SPMAP2L: variants seen among roughly 807,000 people sequenced by gnomAD.
SPMAP2L encodes sperm microtubule associated protein 2-like.
At chr4:56,614,867 G>T in the SPMAP2L span, among the ~76,000 whole-genome samples, 1 of 151,968 alleles carries the variant, frequency 6.6e-6, no homozygotes, top group Admixed American at 6.6e-5. Context: ...CCACCTAGAG[G>T]TTTATCTCTT....
the SPMAP2L span, among the ~76,000 whole-genome samples, chr4:56,598,524 C>A: frequency 1.3e-4 from 20 of 152,042 alleles, no homozygotes; most frequent in African/African-American, 4.6e-4. Flanking sequence ...GGGAAGATCT[C>A]CTTGAAGAAT....
the SPMAP2L span, among the ~76,000 whole-genome samples, chr4:56,543,174 C>T: frequency 2.0e-5 from 3 of 151,698 alleles, no homozygotes; most frequent in Non-Finnish European, 2.9e-5. Context: ...AGCTCCGCCT[C>T]CCGGGTTCAC....
At chr4:56,537,751 C>T in the SPMAP2L span, among the ~76,000 whole-genome samples, 1 of 150,664 alleles carries the variant, frequency 6.6e-6, no homozygotes, top group African/African-American at 2.4e-5. Flanking sequence ...AGTGCAGTGG[C>T]GCGCGATCTC....
At chr4:56,552,493 A>AT in the SPMAP2L span, 4 of 929,678 alleles carry the variant, frequency 4.3e-6, no homozygotes, top group East Asian at 7.8e-5. Flanking sequence ...GGAGTCATCT[A>AT]ATGTAACCAC....
chr4:56,567,590 A>G, the SPMAP2L span, among the ~76,000 whole-genome samples: 2 of 151,440 alleles, frequency 1.3e-5, no homozygotes, highest in African/African-American at 2.4e-5. Flanking sequence ...TGCCCAGCTT[A>G]TACTTCTTTT....
At chr4:56,588,432 AT>A in the SPMAP2L span, among the ~76,000 whole-genome samples, 340 of 142,370 alleles carry the variant, frequency 2.4e-3, 1 homozygote, top group Middle Eastern at 3.8e-3. Context: ...ATCTTCCAGA[AT>A]TTTTTTTTTT....
the SPMAP2L span, among the ~76,000 whole-genome samples, chr4:56,550,444 G>A: frequency 6.6e-6 from 1 of 152,056 alleles, no homozygotes; most frequent in East Asian, 1.9e-4. Context: ...AGATTTTACC[G>A]AGAGAAAATG....
the SPMAP2L span, among the ~76,000 whole-genome samples, chr4:56,566,185 C>CTTAT: frequency 1.3e-5 from 2 of 151,932 alleles, no homozygotes; most frequent in East Asian, 1.9e-4. Context: ...TTGTTGCCTT[C>CTTAT]TTATTTATTT....
the SPMAP2L span, among the ~76,000 whole-genome samples, chr4:56,544,292 A>G: frequency 2.6e-5 from 4 of 152,250 alleles, no homozygotes; most frequent in African/African-American, 4.8e-5. Context: ...CCCGGCCCCA[A>G]TACGTTTTCC....
At chr4:56,533,776 C>T in the SPMAP2L span, among the ~76,000 whole-genome samples, 2 of 128,642 alleles carry the variant, frequency 1.6e-5, no homozygotes, top group Non-Finnish European at 3.1e-5. Context: ...GTGAGACCTC[C>T]TTTCTACAAA....
chr4:56,581,171 T>G, the SPMAP2L span, among the ~76,000 whole-genome samples: 1 of 151,796 alleles, frequency 6.6e-6, no homozygotes, highest in African/African-American at 2.4e-5. Flanking sequence ...AAAAAAAAAT[T>G]AGGCCAGGCA....
chr4:56,594,606 C>A, the SPMAP2L span: 1 of 1,504,020 alleles, frequency 6.6e-7, no homozygotes, highest in Non-Finnish European at 9.3e-7. Context: ...CTGAAATCAA[C>A]ACATGGGACC....
chr4:56,589,397 T>A, the SPMAP2L span, among the ~76,000 whole-genome samples: 39 of 152,316 alleles, frequency 2.6e-4, no homozygotes, highest in East Asian at 7.5e-3. Context: ...TTTTGCTTAG[T>A]CTTGCTTTGG....
the SPMAP2L span, among the ~76,000 whole-genome samples, chr4:56,612,740 T>C: frequency 6.6e-6 from 1 of 152,112 alleles, no homozygotes; most frequent in Non-Finnish European, 1.5e-5. Context: ...CTAATTTTTG[T>C]ATTTTTAGTA....
the SPMAP2L span, among the ~76,000 whole-genome samples, chr4:56,620,060 G>T: frequency 0.2 from 30,799 of 152,094 alleles, 3,716 homozygotes; most frequent in African/African-American, 0.33. Flanking sequence ...ACCTAAACAA[G>T]CTGTTTCAAA....
At chr4:56,549,721 A>G in the SPMAP2L span, among the ~76,000 whole-genome samples, 1 of 152,222 alleles carries the variant, frequency 6.6e-6, no homozygotes, top group South Asian at 2.1e-4. Context: ...AATATCACAC[A>G]TAAGAACTTA....
At chr4:56,623,885 T>G in the SPMAP2L span, among the ~76,000 whole-genome samples, 1 of 152,172 alleles carries the variant, frequency 6.6e-6, no homozygotes, top group Non-Finnish European at 1.5e-5. Context: ...ATACAGTAAA[T>G]TGGTACCAGT....
chr4:56,582,389 A>G, the SPMAP2L span, among the ~76,000 whole-genome samples: 1 of 152,182 alleles, frequency 6.6e-6, no homozygotes, highest in Non-Finnish European at 1.5e-5. Context: ...AAATCGGCAA[A>G]GGATTTAAAT....
At chr4:56,567,451 T>G in the SPMAP2L span, among the ~76,000 whole-genome samples, 27 of 115,664 alleles carry the variant, frequency 2.3e-4, no homozygotes, top group African/African-American at 9.9e-4. Context: ...GGTTTTTTTT[T>G]TTTTTTTTTT....
Sources: allele counts gnomAD v4.1 joint callset (sites outside exome capture counted in the v4.1 genomes callset), GRCh38; gene constraint gnomAD v4.1.1; transcripts MANE v1.5; gene names NCBI Gene and HGNC (gene_info 2026-07-23, HGNC 2026-07-21).